Variants in CUEDC1 observed in about 807,000 individuals in gnomAD.
CUEDC1 encodes the protein CUE domain containing 1.
Under a neutral mutation model 43.7 loss-of-function variants are expected in CUEDC1, and 30 were observed. The ratio of observed to expected loss-of-function variants is 0.69; its 90% confidence interval spans 0.51 to 0.93. The LOEUF (loss-of-function observed/expected upper bound fraction) is 0.93. Among genes scored for constraint, CUEDC1 ranks in the 40% least tolerant of loss-of-function variants. CUEDC1 has a pLI of 0.00. For missense variants in CUEDC1, 486 were observed against 549.0 expected (o/e 0.89, Z 1.15); for synonymous variants, 223 against 223.6 (o/e 1.00, Z 0.02).
At chr17:57,868,821 G>A (rs978393259) in intron 7 of CUEDC1, among the ~76,000 whole-genome samples, 1 of 152,172 alleles carries the variant, frequency 6.6e-6, no homozygotes, top group South Asian at 2.1e-4. Flanking sequence ...AGTCAGCTCC[G>A]GCCAAGCCTC....
intron 1 of CUEDC1, among the ~76,000 whole-genome samples, chr17:57,932,281 C>CAAAAAAA (rs56137797): frequency 0.07 from 8,406 of 119,288 alleles, 557 homozygotes; most frequent in Non-Finnish European, 0.091. Context: ...CACTGTGTCT[C>CAAAAAAA]AAAAAAAAAA....
In CUEDC1 at chr17:57,930,853, C is replaced by T. The variant is rs2074796975; in HGVS notation, c.-316+24372G>A. Among the ~76,000 whole-genome samples the T allele has an allele frequency of 1.3e-5, 2 of 152,142 alleles. No homozygotes were observed. Among genetic ancestry groups the T allele is most frequent in the Non-Finnish European group, 2.9e-5 (2 of 68,042 alleles). ...AGTCCAACTCCAAAGGGGAAATGGTCCCCATTTCCTGCAGGTAACCTTCTC... is the reference window on the plus strand; with the variant it reads ...AGTCCAACTCCAAAGGGGAAATGGTTCCCATTTCCTGCAGGTAACCTTCTC... On this transcript the variant is annotated intron_variant, in intron 1 of 10. Transcript: ENST00000577830. The surrounding 1 kb of genome is among the most constrained non-coding windows in gnomAD (Gnocchi z 4.2).
intron 7 of CUEDC1, 56 bp downstream of exon 7, chr17:57,869,066 C>T: frequency 1.3e-6 from 2 of 1,585,336 alleles, no homozygotes; most frequent in African/African-American, 1.3e-5. Context: ...CCTGGGAGGC[C>T]ACAGGGCCTG....
chr17:57,929,214 T>C (rs889205681), intron 1 of CUEDC1, among the ~76,000 whole-genome samples: 3 of 152,126 alleles, frequency 2.0e-5, no homozygotes, highest in Non-Finnish European at 2.9e-5. Context: ...ACGATAAGCT[T>C]TACCCAAACT....
At position 57,885,320 on chromosome 17, in the gene CUEDC1, T is replaced by A; in HGVS notation, c.245A>T (p.Asp82Val). Residue 82 changes from aspartate (D) to valine (V), a missense_variant, in exon 2 of 11, where the codon GAC (aspartate) becomes GTC (valine). By Grantham distance (152) the Asp-to-Val change is radical. Coordinates refer to ENST00000577830, the MANE Select transcript of CUEDC1 (RefSeq NM_001271875.2). ...CTCCAGGTTCATCTGCAGCAGCTGGTCGATGGTGGCGTCCACAGCGCCGCT... is the reference window on the plus strand; with the variant it reads ...CTCCAGGTTCATCTGCAGCAGCTGGACGATGGTGGCGTCCACAGCGCCGCT... ...ANSGAVDATI[D>V]QLLQMNLEGG... 1 of 1,611,348 alleles carries A rather than the reference T, an allele frequency of 6.2e-7. No individual in the cohort carries two copies. Among genetic ancestry groups the A allele is most frequent in the Non-Finnish European group, 8.5e-7 (1 of 1,179,410 alleles).
At chr17:57,885,111 G>A (rs1330663191) in intron 2 of CUEDC1, 118 bp downstream of exon 2, 2 of 1,447,880 alleles carry the variant, frequency 1.4e-6, no homozygotes, top group Non-Finnish European at 1.8e-6. Flanking sequence ...AGATAGCGGA[G>A]TAACCCAGGT....
At chr17:57,874,214 G>C (rs552431838) in intron 3 of CUEDC1, among the ~76,000 whole-genome samples, 4 of 152,168 alleles carry the variant, frequency 2.6e-5, no homozygotes, top group African/African-American at 7.2e-5. Flanking sequence ...TCCCTACAGA[G>C]GGTAAAGCAG....
intron 2 of CUEDC1, among the ~76,000 whole-genome samples, chr17:57,882,273 G>A (rs1411662547): frequency 6.6e-6 from 1 of 151,550 alleles, no homozygotes; most frequent in African/African-American, 2.4e-5. Context: ...GGAGCTGCCT[G>A]CCTATGGGCC....
At chr17:57,924,363 C>T (rs1240397418) in intron 1 of CUEDC1, among the ~76,000 whole-genome samples, 1 of 152,224 alleles carries the variant, frequency 6.6e-6, no homozygotes, top group Admixed American at 6.5e-5. Flanking sequence ...CTCGGCCTCC[C>T]AAAGTGCTGG....
intron 1 of CUEDC1, among the ~76,000 whole-genome samples, chr17:57,952,040 A>C (rs1439185796): frequency 1.3e-5 from 2 of 152,150 alleles, no homozygotes; most frequent in African/African-American, 4.8e-5. Context: ...AACCCATGGT[A>C]GCCAGGGCCA....
chr17:57,867,246 G>C, intron 9 of CUEDC1, 111 bp downstream of exon 9: 1 of 1,014,688 alleles, frequency 9.9e-7, no homozygotes, highest in Non-Finnish European at 1.5e-6. Flanking sequence ...CCAACCCTCA[G>C]TGTGTTCCTC....
chr17:57,941,470 G>GC (rs769685531), intron 1 of CUEDC1, among the ~76,000 whole-genome samples: 1 of 152,226 alleles, frequency 6.6e-6, no homozygotes, highest in African/African-American at 2.4e-5. Flanking sequence ...CCTACACTCT[G>GC]CCTACCAAGC....
intron 8 of CUEDC1, 83 bp downstream of exon 8, chr17:57,868,067 C>G (rs1200260493): frequency 2.0e-5 from 23 of 1,169,670 alleles, no homozygotes; most frequent in Non-Finnish European, 2.8e-5. Flanking sequence ...GGGGAGGGCA[C>G]AGCTGCAGGG....
chr17:57,872,882 T>C (rs756041863), intron 4 of CUEDC1, 27 bp from the exon 5 acceptor site: 3 of 1,601,486 alleles, frequency 1.9e-6, no homozygotes, highest in African/African-American at 1.3e-5. Context: ...GCATGTTGAA[T>C]GTGTACACAC....
At chr17:57,867,589 T>C (rs1186727853) in intron 8 of CUEDC1, 174 bp from the exon 9 acceptor site, 2 of 635,186 alleles carry the variant, frequency 3.1e-6, no homozygotes, top group Non-Finnish European at 5.7e-6. Flanking sequence ...AGGTCAGTGG[T>C]ATGGCCAGGC....
intron 2 of CUEDC1, among the ~76,000 whole-genome samples, chr17:57,880,228 C>A (rs2074185694): frequency 6.6e-6 from 1 of 152,218 alleles, no homozygotes; most frequent in Non-Finnish European, 1.5e-5. Flanking sequence ...CCATGCTATT[C>A]TTTGATGATA....
intron 1 of CUEDC1, among the ~76,000 whole-genome samples, chr17:57,938,458 C>G (rs2585844): frequency 0.46 from 69,417 of 151,634 alleles, 17,942 homozygotes; most frequent in East Asian, 0.94. Context: ...GCGTTATAAT[C>G]CTTCCCATGC....
At chr17:57,917,850 C>T (rs576497076) in intron 1 of CUEDC1, among the ~76,000 whole-genome samples, 1 of 152,350 alleles carries the variant, frequency 6.6e-6, no homozygotes, top group African/African-American at 2.4e-5. Flanking sequence ...CTGAAGACTA[C>T]TCCTCCTGAC....
chr17:57,945,410 A>G (rs1300154254), intron 1 of CUEDC1, among the ~76,000 whole-genome samples: 2 of 152,366 alleles, frequency 1.3e-5, no homozygotes, highest in East Asian at 3.9e-4. Flanking sequence ...GTCTAACTAT[A>G]TCTAATAAAT....
Sources: gnomAD v4.1 joint callset for allele counts (sites outside exome capture counted in the v4.1 genomes callset) on GRCh38, gnomAD v4.1.1 for gene constraint, Gnocchi (gnomAD v3.1) non-coding constraint, MANE v1.5 for transcripts, NCBI Gene and HGNC (gene_info 2026-07-23, HGNC 2026-07-21) for gene names.